Variants in NLGN1 observed in about 807,000 individuals in gnomAD.
NLGN1 encodes the protein neuroligin 1.
Under a neutral mutation model 65.5 loss-of-function variants are expected in NLGN1, and 12 were observed. The observed-to-expected ratio is 0.18, with a 90% CI of 0.12 to 0.30. NLGN1 has a LOEUF of 0.30. NLGN1 is among the 10% of genes least tolerant of loss of function. The pLI, the probability that NLGN1 is intolerant of heterozygous loss-of-function variation, is 1.00. For synonymous variants in NLGN1, 350 were observed against 359.5 expected (o/e 0.97, Z 0.30); for missense variants, 750 against 1,007.1 (o/e 0.74, Z 3.46).
At chr3:173,776,576 A>G (rs1382141631) in intron 3 of NLGN1, among the ~76,000 whole-genome samples, 1 of 152,016 alleles carries the variant, frequency 6.6e-6, no homozygotes, top group Non-Finnish European at 1.5e-5. Flanking sequence ...CGATTTAATT[A>G]CCTGTCCCTT....
intron 4 of NLGN1, among the ~76,000 whole-genome samples, chr3:174,112,821 G>C (rs1576936092): frequency 6.6e-6 from 1 of 151,904 alleles, no homozygotes; most frequent in East Asian, 1.9e-4. Context: ...TAAAGAATTT[G>C]ACACGGTGAT....
chr3:173,731,650 C>G (rs1161611789), intron 3 of NLGN1, among the ~76,000 whole-genome samples: 1 of 151,934 alleles, frequency 6.6e-6, no homozygotes, highest in African/African-American at 2.4e-5. Context: ...CTTCTTCAAT[C>G]TGAAAAACAG....
intron 4 of NLGN1, among the ~76,000 whole-genome samples, chr3:174,046,551 G>C (rs928895428): frequency 2.6e-5 from 4 of 151,984 alleles, no homozygotes; most frequent in African/African-American, 9.7e-5. Flanking sequence ...ATCTGTGTTT[G>C]AACACACATT....
At chr3:173,536,025 T>C (rs1737378957) in intron 2 of NLGN1, among the ~76,000 whole-genome samples, 1 of 152,202 alleles carries the variant, frequency 6.6e-6, no homozygotes, top group South Asian at 2.1e-4. Flanking sequence ...CAGGGAGTGG[T>C]CCCCTGTGAG....
intron 4 of NLGN1, among the ~76,000 whole-genome samples, chr3:174,033,966 A>C (rs369294171): frequency 8.5e-5 from 13 of 152,242 alleles, no homozygotes; most frequent in Non-Finnish European, 1.3e-4. Context: ...AGCAAACACC[A>C]AACAGGATAG....
At chr3:173,489,935 TG>T (rs1391870604) in intron 2 of NLGN1, among the ~76,000 whole-genome samples, 2 of 152,224 alleles carry the variant, frequency 1.3e-5, no homozygotes, top group African/African-American at 4.8e-5. Flanking sequence ...TGGGGTTGTT[TG>T]TTTTTTTCTT....
chr3:173,728,722 C>T (rs1772267623), intron 3 of NLGN1, among the ~76,000 whole-genome samples: 1 of 152,002 alleles, frequency 6.6e-6, no homozygotes, highest in Non-Finnish European at 1.5e-5. Flanking sequence ...CAGAAGCAGA[C>T]ATTTAAATGA....
intron 1 of NLGN1, among the ~76,000 whole-genome samples, chr3:173,424,758 C>T (rs1232361123): frequency 6.6e-6 from 1 of 152,150 alleles, no homozygotes; most frequent in Non-Finnish European, 1.5e-5. Context: ...GCATTTTAGT[C>T]AAAACTATTC....
rs545965982 is a variant in NLGN1 at position 174,148,885 on chromosome 3, G to A, written c.647-126430G>A. Among the ~76,000 whole-genome samples, 674 of 152,232 alleles carry A rather than the reference G, an allele frequency of 4.4e-3. 5 individuals are homozygous for A. The highest frequency in any genetic ancestry group is 0.015 in the African/African-American group (639 of 41,540). On this transcript the variant is annotated intron_variant, in intron 4 of 6. Coordinates refer to ENST00000457714, the Ensembl canonical transcript of NLGN1. ...TCCACAATTATATTATTCTGCTATTGCAGGCCTTCCACAGGCATACCAAAT... is the reference window on the plus strand; with the variant it reads ...TCCACAATTATATTATTCTGCTATTACAGGCCTTCCACAGGCATACCAAAT...
chr3:173,718,652 A>T (rs1035305537), intron 3 of NLGN1, among the ~76,000 whole-genome samples: 2 of 152,186 alleles, frequency 1.3e-5, no homozygotes, highest in African/African-American at 4.8e-5. Flanking sequence ...TATGATTCTT[A>T]AGTGTCATAT....
rs187682756 is a variant in NLGN1 at position 173,911,944 on chromosome 3, A to G, written c.646+104112A>G. 6.1e-4 allele frequency among the ~76,000 whole-genome samples: 93 copies of G among 152,312 alleles called. No individual in the cohort carries two copies. The Middle Eastern group carries it at 0.02, about 33-fold the overall frequency. ...CTATGCCGATAGAGTTGCAAACAAC[A>G]AGAATTTAAATCTTTCAGGATAATA... On this transcript the variant is annotated intron_variant, in intron 4 of 6. Transcript: ENST00000457714.
chr3:173,539,403 GTTATATA>G (rs1406729993), intron 2 of NLGN1, among the ~76,000 whole-genome samples: 2 of 145,372 alleles, frequency 1.4e-5, no homozygotes, highest in Non-Finnish European at 3.0e-5. Context: ...ACATATATAT[GTTATATA>G]TTATATATGT....
chr3:174,014,298 T>G (rs2152446884), intron 4 of NLGN1, among the ~76,000 whole-genome samples: 1 of 152,302 alleles, frequency 6.6e-6, no homozygotes, highest in South Asian at 2.1e-4. Context: ...TCTTACACAA[T>G]AAACTCCAGA....
At chr3:173,675,868 G>C (rs78738488) in intron 3 of NLGN1, among the ~76,000 whole-genome samples, 51 of 132,610 alleles carry the variant, frequency 3.8e-4, no homozygotes, top group African/African-American at 1.2e-3. Flanking sequence ...CTCTCTCTTT[G>C]TCTCTCTCTC....
At chr3:174,258,711 C>T (rs1225555151) in intron 4 of NLGN1, among the ~76,000 whole-genome samples, 2 of 151,962 alleles carry the variant, frequency 1.3e-5, no homozygotes, top group African/African-American at 2.4e-5. Context: ...ACATTATATG[C>T]AATAACAGAC....
chr3:173,792,161 G>A (rs1712930249), intron 3 of NLGN1, among the ~76,000 whole-genome samples: 1 of 152,078 alleles, frequency 6.6e-6, no homozygotes, highest in South Asian at 2.1e-4. Context: ...GTTTAGCAAG[G>A]AGAGGCATGT....
chr3:174,273,997 G>GAT (rs1298582229), intron 4 of NLGN1, among the ~76,000 whole-genome samples: 1 of 151,578 alleles, frequency 6.6e-6, no homozygotes, highest in East Asian at 1.9e-4. Flanking sequence ...TTTATAAAGA[G>GAT]ATATATTTCA....
chr3:173,521,663 C>A (rs2901898), intron 2 of NLGN1, among the ~76,000 whole-genome samples: 81,070 of 151,904 alleles, frequency 0.53, 22,220 homozygotes, highest in East Asian at 0.87. Context: ...ACCTCCCAGG[C>A]TGATTAGGAG....
intron 4 of NLGN1, among the ~76,000 whole-genome samples, chr3:173,859,070 C>T (rs918300929): frequency 2.0e-5 from 3 of 151,634 alleles, no homozygotes; most frequent in African/African-American, 7.3e-5. Flanking sequence ...TTTAACTTCA[C>T]TTTTTTTTGG....
Sources: allele counts gnomAD v4.1 joint callset (sites outside exome capture counted in the v4.1 genomes callset), GRCh38; gene constraint gnomAD v4.1.1; transcripts MANE v1.5; gene names NCBI Gene and HGNC (gene_info 2026-07-23, HGNC 2026-07-21).